The following RBFOX2 variants were observed in gnomAD, a reference collection of about 807,000 sequenced individuals.
RBFOX2 encodes RNA binding protein fox-1 homolog 2.
Under a neutral mutation model 49.1 loss-of-function variants are expected in RBFOX2, and 10 were observed. That is an observed-to-expected ratio of 0.20 (90% CI 0.13 to 0.35). RBFOX2 has a LOEUF of 0.35. RBFOX2 is among the 10% of genes least tolerant of loss of function. The pLI, the probability that RBFOX2 is intolerant of heterozygous loss-of-function variation, is 1.00. For missense variants in RBFOX2, 323 were observed against 486.9 expected, an observed-to-expected ratio of 0.66 and a Z score of 3.17; for synonymous variants, 183 against 187.4, an observed-to-expected ratio of 0.98 and a Z score of 0.19.
rs563359777 is a variant in RBFOX2 at position 35,745,928 on chromosome 22, C to T, written c.1044G>A (p.Ala348=). The change falls in exon 11 of 12, where the codon GCG becomes GCA. Residue 348 remains alanine, a synonymous_variant. Coordinates refer to ENST00000405409, the Ensembl canonical transcript of RBFOX2. The stretch of plus-strand genomic sequence containing the variant: ...ATGGTATATTATATACTTACCACAG[C>T]GCCAACTCCATAGCTAGCGGCAGGG... 2.4e-5 allele frequency: 39 copies of T among 1,612,806 alleles called. No individual in the cohort carries two copies. Among genetic ancestry groups the T allele is most frequent in the Middle Eastern group, 1.7e-4 (1 of 6,060 alleles).
intron 1 of RBFOX2, among the ~76,000 whole-genome samples, chr22:35,817,578 G>T (rs1000375680): frequency 6.6e-6 from 1 of 152,064 alleles, no homozygotes; most frequent in African/African-American, 2.4e-5. Flanking sequence ...AAAAGTAGAG[G>T]GTTACCTTCT....
At chr22:35,756,239 C>A in intron 9 of RBFOX2, 95 bp from the exon 11 acceptor site, 2 of 1,150,300 alleles carry the variant, frequency 1.7e-6, no homozygotes, top group Non-Finnish European at 1.2e-6. Flanking sequence ...ATGCGCTCTA[C>A]ACAGGCAGGT....
intron 2 of RBFOX2, among the ~76,000 whole-genome samples, chr22:35,803,520 TA>T (rs2147938974): frequency 6.6e-6 from 1 of 151,918 alleles, no homozygotes; most frequent in Admixed American, 6.6e-5. Flanking sequence ...TACAAAAAAA[TA>T]CAAAAATTAG....
intron 1 of RBFOX2, among the ~76,000 whole-genome samples, chr22:36,021,679 A>G (rs1300880031): frequency 6.6e-6 from 1 of 152,236 alleles, no homozygotes; most frequent in Non-Finnish European, 1.5e-5. Context: ...CTGACTGCTC[A>G]TTCTCTTGAG....
At chr22:35,809,676 A>G in intron 2 of RBFOX2, 104 bp downstream of exon 3, 1 of 1,255,426 alleles carries the variant, frequency 8.0e-7, no homozygotes, top group Admixed American at 1.7e-5. Context: ...GAACAGGTGT[A>G]AATGCTAAAT....
chr22:35,752,528 G>A (rs945038659), intron 9 of RBFOX2: 21 of 768,154 alleles, frequency 2.7e-5, no homozygotes, highest in Admixed American at 6.3e-5. Context: ...CATCTCTAAC[G>A]TGGAGCTGGA....
At chr22:35,851,634 C>T (rs5755965) in intron 1 of RBFOX2, among the ~76,000 whole-genome samples, 11,576 of 152,056 alleles carry the variant, frequency 0.076, 460 homozygotes, top group South Asian at 0.085. Context: ...CGAGACCAGC[C>T]TGGCTAACAT....
At chr22:35,771,248 C>T (rs572091490) in intron 4 of RBFOX2, among the ~76,000 whole-genome samples, 56 of 152,292 alleles carry the variant, frequency 3.7e-4, no homozygotes, top group African/African-American at 1.2e-3. Context: ...AGTGTTCCAA[C>T]GTGGCCACTG....
chr22:35,996,909 A>T (rs2058216998), intron 1 of RBFOX2: 1 of 152,242 alleles, frequency 6.6e-6, no homozygotes, highest in East Asian at 1.9e-4. Flanking sequence ...AAAGATGTAG[A>T]TCTCCACACA....
At chr22:35,868,670 T>A (rs2043977897) in intron 1 of RBFOX2, among the ~76,000 whole-genome samples, 1 of 152,192 alleles carries the variant, frequency 6.6e-6, no homozygotes, top group Non-Finnish European at 1.5e-5. Context: ...GTTAATGTAT[T>A]CTTAATATGG....
rs978103460 is a variant in RBFOX2, at chr22:35,781,865, T to C, written c.253-119A>G. On this transcript the variant is annotated intron_variant, in intron 2 of 11. Transcript: ENST00000405409. ...TTTAAGCAAAAATCACAGTAGTCCC[T>C]TCAAAGACAAAAGCAACAACAACAG... is the stretch of plus-strand genomic sequence containing the variant. The C allele has an allele frequency of 6.7e-6, 8 of 1,187,398 alleles. No individual in the cohort carries two copies. In the African/African-American group the frequency reaches 9.4e-5, roughly 14 times the overall value. 73.6% of individuals were successfully genotyped at this position (1,187,398 alleles called of 1,614,324 possible). A position where few individuals can be genotyped will look rare whatever the true frequency, so the allele number is the denominator to read the frequency against.
At chr22:35,801,190 C>T (rs1949716702) in intron 2 of RBFOX2, among the ~76,000 whole-genome samples, 1 of 151,980 alleles carries the variant, frequency 6.6e-6, no homozygotes. Context: ...AAGTGAGATA[C>T]AAATTTGAGG....
chr22:35,894,535 C>A (rs1394398646), intron 1 of RBFOX2, among the ~76,000 whole-genome samples: 2 of 152,126 alleles, frequency 1.3e-5, no homozygotes, highest in African/African-American at 2.4e-5. Context: ...CTTCACCTGC[C>A]CCACTTGCCT....
intron 1 of RBFOX2, among the ~76,000 whole-genome samples, chr22:35,838,036 T>C (rs977115052): frequency 7.2e-5 from 11 of 152,174 alleles, no homozygotes; most frequent in Admixed American, 1.3e-4. Context: ...TTTTAGATCA[T>C]TCTTTCACTA....
intron 1 of RBFOX2, among the ~76,000 whole-genome samples, chr22:35,952,929 G>A (rs929055292): frequency 1.3e-5 from 2 of 151,988 alleles, no homozygotes; most frequent in Non-Finnish European, 2.9e-5. Flanking sequence ...GCCAAAGGAT[G>A]GGCTGGGTGC....
At chr22:35,799,825 C>T (rs1389522784) in intron 2 of RBFOX2, among the ~76,000 whole-genome samples, 11 of 151,784 alleles carry the variant, frequency 7.2e-5, no homozygotes, top group Non-Finnish European at 1.2e-4. Context: ...TGGGGGTACA[C>T]GCCTGTAGTC....
intron 1 of RBFOX2, among the ~76,000 whole-genome samples, chr22:35,989,716 G>T (rs2057886677): frequency 6.6e-6 from 1 of 152,124 alleles, no homozygotes; most frequent in African/African-American, 2.4e-5. Flanking sequence ...CTACAGAAAG[G>T]ACGAAAAGTG....
chr22:35,786,221 T>C (rs914258990), intron 2 of RBFOX2, among the ~76,000 whole-genome samples: 1 of 152,232 alleles, frequency 6.6e-6, no homozygotes, highest in African/African-American at 2.4e-5. Flanking sequence ...CTCTTCATAG[T>C]TCTTTGCTTC....
intron 4 of RBFOX2, among the ~76,000 whole-genome samples, chr22:35,773,324 C>G (rs1262244898): frequency 6.6e-6 from 1 of 152,028 alleles, no homozygotes; most frequent in African/African-American, 2.4e-5. Flanking sequence ...TCTCCCCTAA[C>G]TACAGCCTAA....
Sources: gnomAD v4.1 joint callset for allele counts (sites outside exome capture counted in the v4.1 genomes callset) on GRCh38, gnomAD v4.1.1 for gene constraint, MANE v1.5 for transcripts, NCBI Gene and HGNC (gene_info 2026-07-23, HGNC 2026-07-21) for gene names.